The following DNAJC10 variants were observed in gnomAD, a reference collection of about 807,000 sequenced individuals.
The protein encoded by DNAJC10 is endoplasmic reticulum disulfide reductase DNAJC10.
A neutral mutation model predicts 115.0 loss-of-function variants in DNAJC10; 101 were observed. The observed-to-expected ratio is 0.88, with a 90% CI of 0.75 to 1.04. DNAJC10 has a LOEUF of 1.04. Among genes scored for constraint, DNAJC10 ranks in the 50% least tolerant of loss-of-function variants. The pLI is 0.00. For synonymous variants in DNAJC10, 307 were observed against 301.5 expected (o/e 1.02, Z -0.19); for missense variants, 981 against 928.8 (o/e 1.06, Z -0.73).
At chr2:182,734,453 T>C (rs1693534807) in intron 10 of DNAJC10, among the ~76,000 whole-genome samples, 1 of 151,738 alleles carries the variant, frequency 6.6e-6, no homozygotes, top group Non-Finnish European at 1.5e-5. Context: ...ATGGAATCAG[T>C]TTTTTTAAGT....
In DNAJC10 at chr2:182,748,480, C is replaced by G. The variant is rs373021740; in HGVS notation, c.1307-3178C>G. Reference sequence around the variant, plus strand: ...TTGGGATAGTGTATGAGTCGAGGAACTTATCCATTTCTTCTAGATTTTCTA... The same window carrying G: ...TTGGGATAGTGTATGAGTCGAGGAAGTTATCCATTTCTTCTAGATTTTCTA... On this transcript the variant is annotated intron_variant, in intron 14 of 23. Coordinates refer to ENST00000264065, the MANE Select transcript of DNAJC10 (RefSeq NM_018981.4). 2.0e-5 allele frequency among the ~76,000 whole-genome samples: 3 copies of G among 152,120 alleles called. No homozygotes were observed. In the South Asian group the frequency reaches 6.2e-4, roughly 32 times the overall value.
chr2:182,746,060 C>T (rs1001979532), intron 14 of DNAJC10, among the ~76,000 whole-genome samples: 4 of 152,204 alleles, frequency 2.6e-5, no homozygotes, highest in African/African-American at 7.2e-5. Context: ...CTACAAAGGA[C>T]ATGAACTCAT....
rs199778955 is a variant in DNAJC10, at chr2:182,775,423, A to G, written c.2370+3A>G. ...GAAATCAAGGCAAGAGGAATAAGGTATGGACTAAGCCTAGAGTTGACTTTG... is the reference window on the plus strand; with the variant it reads ...GAAATCAAGGCAAGAGGAATAAGGTGTGGACTAAGCCTAGAGTTGACTTTG... On this transcript the variant is annotated splice_donor_region_variant and intron_variant, in intron 23 of 23. Coordinates refer to ENST00000264065, the MANE Select transcript of DNAJC10 (RefSeq NM_018981.4). 1.6e-4 allele frequency: 261 copies of G among 1,601,004 alleles called. 3 individuals are homozygous for G. The East Asian group carries it at 4.9e-3, about 30-fold the overall frequency.
chr2:182,718,771 A>G (rs569354858), intron 3 of DNAJC10, among the ~76,000 whole-genome samples: 32 of 152,236 alleles, frequency 2.1e-4, no homozygotes, highest in Non-Finnish European at 3.5e-4. Context: ...TTATAAATTA[A>G]TACTTCACAG....
At position 182,782,533 on chromosome 2, in the gene DNAJC10, A is replaced by T. The variant is rs1453315367; in HGVS notation, c.*5401A>T. On this transcript the variant is annotated 3_prime_UTR_variant, in exon 24 of 24. Coordinates refer to ENST00000264065, the MANE Select transcript of DNAJC10 (RefSeq NM_018981.4). ...GGCAGTATGACTATTTCACAATATT[A>T]ATTCTTCCTATCCATGAGCATGGAA... is the stretch of plus-strand genomic sequence containing the variant. 1 of 108,348 alleles carries T rather than the reference A, an allele frequency of 9.2e-6. No homozygotes were observed. The highest frequency in any genetic ancestry group is 1.6e-5 in the Non-Finnish European group (1 of 62,728). 6.7% of individuals were successfully genotyped at this position (108,348 alleles called of 1,614,324 possible).
At chr2:182,751,563 T>A in intron 14 of DNAJC10, 95 bp from the exon 15 acceptor site, 2 of 1,365,306 alleles carry the variant, frequency 1.5e-6, no homozygotes, top group Non-Finnish European at 2.0e-6. Context: ...TCATAATTTA[T>A]CTTCTTTAGT....
Position 182,718,039 on chromosome 2 carries a change from C to T in DNAJC10, c.-48C>T. ...TGCATATTACATCAACTGGAACCAG[C>T]AGTGAATCTTAATGTTCACTTAAAT... On this transcript the variant is annotated 5_prime_UTR_variant, in exon 3 of 24. Coordinates refer to ENST00000264065, the MANE Select transcript of DNAJC10 (RefSeq NM_018981.4). 1 of 1,379,796 alleles carries T rather than the reference C, an allele frequency of 7.2e-7. No homozygotes were observed. Among genetic ancestry groups the T allele is most frequent in the Admixed American group, 2.0e-5 (1 of 50,514 alleles). 85.5% of individuals were successfully genotyped at this position (1,379,796 alleles called of 1,614,324 possible).
chr2:182,743,453 T>C, intron 13 of DNAJC10, 145 bp from the exon 14 acceptor site: 1 of 605,040 alleles, frequency 1.7e-6, no homozygotes, highest in Non-Finnish European at 2.9e-6. Context: ...AAATGAATTA[T>C]TTCTGTCTCT....
intron 22 of DNAJC10, 34 bp downstream of exon 22, chr2:182,762,835 G>A (rs1694319403): frequency 6.3e-7 from 1 of 1,595,044 alleles, no homozygotes. Context: ...CCTTCCCTTA[G>A]TAGGCCAAGC....
intron 13 of DNAJC10, 37 bp from the exon 14 acceptor site, chr2:182,743,559 GAC>G (rs761139333): frequency 1.4e-6 from 2 of 1,397,422 alleles, no homozygotes; most frequent in South Asian, 1.2e-5. Context: ...AAATGGGTAA[GAC>G]AGTGTTTTTA....
chr2:182,723,625 C>T (rs1693210394), intron 5 of DNAJC10, among the ~76,000 whole-genome samples: 3 of 152,138 alleles, frequency 2.0e-5, no homozygotes, highest in Non-Finnish European at 2.9e-5. Flanking sequence ...TATTGTCTCT[C>T]ATCTCCTAAT....
intron 22 of DNAJC10, among the ~76,000 whole-genome samples, chr2:182,766,150 C>G (rs1216109525): frequency 1.3e-5 from 2 of 152,060 alleles, no homozygotes; most frequent in African/African-American, 4.8e-5. Context: ...AATAATCATG[C>G]GAGCTTGAGC....
Position 182,779,974 on chromosome 2 carries a change from C to T in DNAJC10, c.*2842C>T, listed in dbSNP as rs1447835182. 1 of 152,058 alleles carries T rather than the reference C, an allele frequency of 6.6e-6. No individual in the cohort carries two copies. The highest frequency in any genetic ancestry group is 1.5e-5 in the Non-Finnish European group (1 of 68,018). The allele number at this position is 152,058 out of a possible 1,614,324, so 9.4% of individuals were successfully genotyped here. On this transcript the variant is annotated 3_prime_UTR_variant, in exon 24 of 24. Coordinates refer to ENST00000264065, the MANE Select transcript of DNAJC10 (RefSeq NM_018981.4). ...CCAGATAGATGTCTTAAAGTAGGCA[C>T]ATTTATTCCATTGTGACTGTTAAGA...
At position 182,787,440 on chromosome 2, in the gene DNAJC10, A is replaced by G. The variant is rs748189728; in HGVS notation, c.*10308A>G. 2 of 152,214 alleles carry G rather than the reference A, an allele frequency of 1.3e-5. No homozygotes were observed. The highest frequency in any genetic ancestry group is 2.9e-5 in the Non-Finnish European group (2 of 68,036). 9.4% of individuals were successfully genotyped at this position (152,214 alleles called of 1,614,324 possible). A position where few individuals can be genotyped will look rare whatever the true frequency, so the allele number is the denominator to read the frequency against. On this transcript the variant is annotated 3_prime_UTR_variant, in exon 24 of 24. Transcript: ENST00000264065. ...TTCAAGAAGTTTATACAAACCCGTA[A>G]TGTACTACCAAACCGTTCATTCATT...
intron 14 of DNAJC10, among the ~76,000 whole-genome samples, chr2:182,750,147 A>T (rs1346569287): frequency 6.7e-6 from 1 of 150,028 alleles, no homozygotes; most frequent in Non-Finnish European, 1.5e-5. Context: ...TGGGAGGTCA[A>T]GAGAGAGAGA....
Position 182,741,294 on chromosome 2 carries a change from G to GA in DNAJC10, c.1133dup (p.Asn378LysfsTer4). On this transcript the variant is annotated frameshift_variant, in exon 13 of 24. Coordinates refer to ENST00000264065, the MANE Select transcript of DNAJC10 (RefSeq NM_018981.4). LOFTEE classifies it high-confidence loss of function. ...GTTATTTTTTCATTTTGGAAAAAATGAAAATTCAAATGATCCTGAGCTGAA... is the reference window on the plus strand; with the variant it reads ...GTTATTTTTTCATTTTGGAAAAAATGAAAAATTCAAATGATCCTGAGCTGAA... 6.2e-7 allele frequency: 1 copy of GA among 1,604,550 alleles called. No homozygotes were observed.
rs186144717 is a variant in DNAJC10 at position 182,758,147 on chromosome 2, C to T, written c.1943+322C>T. ...ATTTCCAATAATCCTCACATATGCT[C>T]TGTGAACTAGGAATTACTACCCTTC... is the stretch of plus-strand genomic sequence containing the variant. On this transcript the variant is annotated intron_variant, in intron 19 of 23. Coordinates refer to ENST00000264065, the MANE Select transcript of DNAJC10 (RefSeq NM_018981.4). Among the ~76,000 whole-genome samples, 1,099 of 152,280 alleles carry T rather than the reference C, an allele frequency of 7.2e-3. 5 individuals are homozygous for T. Among genetic ancestry groups the T allele is most frequent in the South Asian group, 0.031 (152 of 4,826 alleles).
At position 182,777,403 on chromosome 2, in the gene DNAJC10, T is replaced by C. The variant is rs916655937; in HGVS notation, c.*271T>C. ...AATAGAGTCATCATGTATTCTTTGT[T>C]ATTTGCTTTTAACAACCTTTAAAAA... is the stretch of plus-strand genomic sequence containing the variant. On this transcript the variant is annotated 3_prime_UTR_variant, in exon 24 of 24. Transcript: ENST00000264065. 1.2e-5 allele frequency: 3 copies of C among 254,502 alleles called. No individual in the cohort carries two copies. Among genetic ancestry groups the C allele is most frequent in the African/African-American group, 6.6e-5 (3 of 45,344 alleles). The allele number at this position is 254,502 out of a possible 1,614,324, so 15.8% of individuals were successfully genotyped here. A position where few individuals can be genotyped will look rare whatever the true frequency, so the allele number is the denominator to read the frequency against.
chr2:182,759,331 AG>A (rs1559020445), intron 21 of DNAJC10, 24 bp downstream of exon 21: 1 of 1,580,132 alleles, frequency 6.3e-7, no homozygotes, highest in South Asian at 1.2e-5. Context: ...GTCTTAAATA[AG>A]TTGTAGCCAC....
Sources: gnomAD v4.1 joint callset for allele counts (sites outside exome capture counted in the v4.1 genomes callset) on GRCh38, gnomAD v4.1.1 for gene constraint, MANE v1.5 for transcripts, NCBI Gene and HGNC (gene_info 2026-07-23, HGNC 2026-07-21) for gene names.